Variants in ZNF804A observed in about 807,000 individuals in gnomAD.
ZNF804A encodes the protein zinc finger protein 804A.
In ZNF804A, 2 loss-of-function variants were observed where a neutral mutation model predicts 16.5. The ratio of observed to expected loss-of-function variants is 0.12; its 90% CI spans 0.05 to 0.38. The LOEUF (loss-of-function observed/expected upper bound fraction) is 0.38, where lower values mean the gene tolerates loss of function less well. Ranked by LOEUF, ZNF804A falls within the 10% of genes least tolerant of loss-of-function variation. The pLI, the probability that ZNF804A is intolerant of heterozygous loss-of-function variation, is 0.99. For missense variants in ZNF804A, 1,473 were observed against 1,390.7 expected (o/e 1.06, Z -0.94); for synonymous variants, 534 against 489.6 (o/e 1.09, Z -1.20).
intron 1 of ZNF804A, among the ~76,000 whole-genome samples, chr2:184,719,330 G>C (rs1269746102): frequency 1.3e-5 from 2 of 151,974 alleles, no homozygotes; most frequent in African/African-American, 4.8e-5. Flanking sequence ...GGGAGGGGCT[G>C]CCACAAAGGT....
intron 1 of ZNF804A, among the ~76,000 whole-genome samples, chr2:184,671,997 C>T (rs1692345596): frequency 6.6e-6 from 1 of 152,198 alleles, no homozygotes; most frequent in Admixed American, 6.5e-5. Context: ...TCTTGGTTCT[C>T]TTCACTTACA....
chr2:184,900,974 T>A (rs961913357), intron 2 of ZNF804A, among the ~76,000 whole-genome samples: 45 of 152,334 alleles, frequency 3.0e-4, no homozygotes, highest in African/African-American at 9.6e-4. Context: ...CAAAGGATGC[T>A]GTTCTTGTAG....
At chr2:184,832,214 T>TG (rs964237664) in intron 1 of ZNF804A, among the ~76,000 whole-genome samples, 4 of 151,978 alleles carry the variant, frequency 2.6e-5, no homozygotes, top group Admixed American at 6.6e-5. Context: ...AGTTTGCCAG[T>TG]GGGGGGTCCT....
rs1159932119 is a variant in ZNF804A at position 184,598,921 on chromosome 2, G to T, written c.-39G>T. 1 of 1,423,456 alleles carries T rather than the reference G, an allele frequency of 7.0e-7. No individual in the cohort carries two copies. The highest frequency in any genetic ancestry group is 1.3e-5 in the South Asian group (1 of 78,854). The allele number at this position is 1,423,456 out of a possible 1,614,324, so 88.2% of individuals were successfully genotyped here. ...CTGCGGCTGTGGGCGCGGGGTGCGTGGAAGCGGCGGCTGCGGCGGAGGAGG... is the reference window on the plus strand; with the variant it reads ...CTGCGGCTGTGGGCGCGGGGTGCGTTGAAGCGGCGGCTGCGGCGGAGGAGG... On this transcript the variant is annotated 5_prime_UTR_variant, in exon 1 of 4. Coordinates refer to ENST00000302277, the MANE Select transcript of ZNF804A (RefSeq NM_194250.2).
chr2:184,650,213 A>C (rs1691957848), intron 1 of ZNF804A, among the ~76,000 whole-genome samples: 1 of 152,060 alleles, frequency 6.6e-6, no homozygotes, highest in African/African-American at 2.4e-5. Context: ...AAAAGGCGTA[A>C]GATCATCTCA....
At chr2:184,612,831 T>C (rs548672024) in intron 1 of ZNF804A, among the ~76,000 whole-genome samples, 27 of 152,352 alleles carry the variant, frequency 1.8e-4, no homozygotes, top group African/African-American at 6.3e-4. Flanking sequence ...TACTTATTGC[T>C]GTCCTGAAGA....
At chr2:184,655,054 T>C (rs1692051566) in intron 1 of ZNF804A, among the ~76,000 whole-genome samples, 1 of 152,236 alleles carries the variant, frequency 6.6e-6, no homozygotes, top group Admixed American at 6.5e-5. Flanking sequence ...TGAATTGTAT[T>C]CTATCTAGGG....
At chr2:184,752,931 GT>G (rs1366003820) in intron 1 of ZNF804A, among the ~76,000 whole-genome samples, 1 of 151,460 alleles carries the variant, frequency 6.6e-6, no homozygotes, top group South Asian at 2.1e-4. Context: ...TCTCACATCT[GT>G]TAACATAGAT....
At chr2:184,703,821 AT>A (rs1321023027) in intron 1 of ZNF804A, among the ~76,000 whole-genome samples, 2 of 152,056 alleles carry the variant, frequency 1.3e-5, no homozygotes, top group African/African-American at 4.8e-5. Context: ...CATTTAACTT[AT>A]AAAAAAAGTG....
At chr2:184,902,724 T>A (rs544368993) in intron 2 of ZNF804A, among the ~76,000 whole-genome samples, 56 of 152,314 alleles carry the variant, frequency 3.7e-4, no homozygotes, top group African/African-American at 1.3e-3. Flanking sequence ...TTCTTTTTTT[T>A]ACCTTATAAA....
intron 1 of ZNF804A, among the ~76,000 whole-genome samples, chr2:184,631,044 T>G (rs1691600991): frequency 6.6e-6 from 1 of 152,160 alleles, no homozygotes; most frequent in Admixed American, 6.5e-5. Context: ...TAAAGCATAT[T>G]GAAATTTGGT....
intron 1 of ZNF804A, among the ~76,000 whole-genome samples, chr2:184,748,287 G>GT (rs139158659): frequency 0.21 from 30,421 of 146,852 alleles, 3,476 homozygotes; most frequent in South Asian, 0.26. Context: ...ACTAACATCT[G>GT]TTTTTTTTTT....
chr2:184,837,990 G>A (rs1192193608), intron 1 of ZNF804A, among the ~76,000 whole-genome samples: 1 of 152,024 alleles, frequency 6.6e-6, no homozygotes, highest in Non-Finnish European at 1.5e-5. Flanking sequence ...AGTGGTCAGA[G>A]GAGCCCCAGC....
At chr2:184,602,919 G>C (rs1691072350) in intron 1 of ZNF804A, among the ~76,000 whole-genome samples, 2 of 152,088 alleles carry the variant, frequency 1.3e-5, no homozygotes, top group South Asian at 4.1e-4. Flanking sequence ...ATGGTATTGT[G>C]TTATCTGTTT....
intron 1 of ZNF804A, among the ~76,000 whole-genome samples, chr2:184,761,279 A>G (rs959006487): frequency 6.6e-6 from 1 of 152,138 alleles, no homozygotes; most frequent in Non-Finnish European, 1.5e-5. Flanking sequence ...TCAAGTTTGC[A>G]TTTTTAAAAA....
intron 1 of ZNF804A, among the ~76,000 whole-genome samples, chr2:184,766,175 C>T (rs987073485): frequency 6.6e-6 from 1 of 152,018 alleles, no homozygotes; most frequent in Non-Finnish European, 1.5e-5. Context: ...ACTATAATTT[C>T]TAAGTTGCTA....
intron 1 of ZNF804A, among the ~76,000 whole-genome samples, chr2:184,797,825 G>T (rs1386669957): frequency 6.6e-6 from 1 of 152,030 alleles, no homozygotes; most frequent in Non-Finnish European, 1.5e-5. Flanking sequence ...ATGCTTTAAA[G>T]AGTTTCTGTT....
intron 2 of ZNF804A, among the ~76,000 whole-genome samples, chr2:184,923,708 T>C (rs907721827): frequency 7.2e-5 from 11 of 152,054 alleles, no homozygotes; most frequent in African/African-American, 2.4e-4. Context: ...GCTTTTATTA[T>C]GTTGAGGTAT....
intron 2 of ZNF804A, among the ~76,000 whole-genome samples, chr2:184,886,489 G>T (rs1190721381): frequency 6.6e-6 from 1 of 152,200 alleles, no homozygotes; most frequent in African/African-American, 2.4e-5. Context: ...CCCCAGTAGG[G>T]ACACCGTGTG....
Sources: gnomAD v4.1 joint callset for allele counts (sites outside exome capture counted in the v4.1 genomes callset) on GRCh38, gnomAD v4.1.1 for gene constraint, MANE v1.5 for transcripts, NCBI Gene and HGNC (gene_info 2026-07-23, HGNC 2026-07-21) for gene names.